PLXNA1: variants seen among roughly 807,000 people sequenced by gnomAD.
PLXNA1 encodes the protein plexin A1.
PLXNA1 carries 77 observed loss-of-function variants against 191.7 expected under a neutral mutation model. The ratio of observed to expected loss-of-function variants is 0.40; its 90% confidence interval spans 0.33 to 0.49. The LOEUF (loss-of-function observed/expected upper bound fraction) is 0.49, where lower values mean the gene tolerates loss of function less well. Among genes scored for constraint, PLXNA1 ranks in the 20% least tolerant of loss-of-function variants. The pLI, the probability that PLXNA1 is intolerant of heterozygous loss-of-function variation, is 0.63. For synonymous variants in PLXNA1, 1,137 were observed against 1,156.4 expected, an observed-to-expected ratio of 0.98 and a Z score of 0.34; for missense variants, 2,110 against 2,660.2, an observed-to-expected ratio of 0.79 and a Z score of 4.55.
intron 3 of PLXNA1, among the ~76,000 whole-genome samples, chr3:126,992,635 G>A (rs1200551041): frequency 6.6e-6 from 1 of 152,046 alleles, no homozygotes; most frequent in Non-Finnish European, 1.5e-5. Flanking sequence ...GGCTGGGGGC[G>A]GGGGGTGCTG....
intron 23 of PLXNA1, among the ~76,000 whole-genome samples, chr3:127,025,208 C>T (rs1266328559): frequency 6.6e-6 from 1 of 152,146 alleles, no homozygotes; most frequent in Non-Finnish European, 1.5e-5. Context: ...CCTAAAAATC[C>T]CCTGAGCTCA....
intron 10 of PLXNA1, 121 bp downstream of exon 10, chr3:127,012,279 T>A: frequency 9.6e-7 from 1 of 1,045,372 alleles, no homozygotes; most frequent in Non-Finnish European, 1.4e-6. Flanking sequence ...CGTGTATCTC[T>A]GATGAGTCAG....
chr3:127,032,804 A>C lies in PLXNA1; in HGVS notation c.5563A>C (p.Ile1855Leu). The C allele has an allele frequency of 1.9e-6, 3 of 1,613,270 alleles. No homozygotes were observed. The highest frequency in any genetic ancestry group is 2.5e-6 in the Non-Finnish European group (3 of 1,180,008). Residue 1855 changes from isoleucine to leucine, a missense_variant, in exon 31 of 32, where the codon ATC (isoleucine) becomes CTC (leucine). Transcript: ENST00000393409. ...CAACAGCATGAGCGCCTTGCACGAGATCTACTCCTACATCACCAAGTACAA... is the reference window on the plus strand; with the variant it reads ...CAACAGCATGAGCGCCTTGCACGAGCTCTACTCCTACATCACCAAGTACAA... ...QFNSMSALHE[I>L]YSYITKYKDE...
chr3:127,014,426 G>A (rs778294283), intron 12 of PLXNA1, 51 bp downstream of exon 12: 13 of 1,546,652 alleles, frequency 8.4e-6, no homozygotes, highest in Admixed American at 3.5e-5. Context: ...CTGCACCACC[G>A]CACACCCTAC....
chr3:127,023,261 C>G (rs544324778), intron 23 of PLXNA1, among the ~76,000 whole-genome samples: 86 of 152,342 alleles, frequency 5.6e-4, no homozygotes, highest in Non-Finnish European at 9.8e-4. Context: ...AGGATGCTGC[C>G]GTCCTCAGAA....
rs1219263984 is a variant in PLXNA1 at position 127,006,294 on chromosome 3, A to C, written c.1997+116A>C. The C allele has an allele frequency of 3.8e-6, 3 of 789,636 alleles. No homozygotes were observed. The African/African-American group carries it at 5.1e-5, about 13-fold the overall frequency. The allele number at this position is 789,636 out of a possible 1,614,324, so 48.9% of individuals were successfully genotyped here. On this transcript the variant is annotated intron_variant, in intron 8 of 31. Coordinates refer to ENST00000393409, the MANE Select transcript of PLXNA1 (RefSeq NM_032242.4). ...ACCTGTCCTCATGTGGCCAGGCAGCAGATGGTGATTCCATGATTGGGGCTC... is the reference window on the plus strand; with the variant it reads ...ACCTGTCCTCATGTGGCCAGGCAGCCGATGGTGATTCCATGATTGGGGCTC...
intron 3 of PLXNA1, among the ~76,000 whole-genome samples, chr3:126,995,603 C>G (rs1324700720): frequency 1.3e-5 from 2 of 152,282 alleles, no homozygotes; most frequent in African/African-American, 2.4e-5. Flanking sequence ...GCCTGACTGC[C>G]TGAGCACCCG....
At position 127,012,023 on chromosome 3, in the gene PLXNA1, C is replaced by A. The variant is rs562933190; in HGVS notation, c.2178C>A (p.Thr726=). 7 of 1,613,692 alleles carry A rather than the reference C, an allele frequency of 4.3e-6. No individual in the cohort carries two copies. The African/African-American group carries it at 8.0e-5, about 18-fold the overall frequency. The change falls in exon 10 of 32, where the codon ACC becomes ACA. Residue 726 remains threonine, a synonymous_variant. Coordinates refer to ENST00000393409, the MANE Select transcript of PLXNA1 (RefSeq NM_032242.4). ...YVPVGVVKPI[T]LAARNLPQPQ... is the part of the protein sequence containing the mutation. The stretch of plus-strand genomic sequence containing the variant: ...CAGTGGGAGTGGTAAAACCCATCAC[C>A]CTGGCCGCACGGAACCTGCCACAGC...
At chr3:127,027,572 G>T in intron 23 of PLXNA1, 1 of 426,552 alleles carries the variant, frequency 2.3e-6, no homozygotes, top group Non-Finnish European at 4.7e-6. Flanking sequence ...CCCCTGGGAG[G>T]CTGGAGCTAG....
rs1205501087 is a variant in PLXNA1, at chr3:127,030,056, G to T, written c.5053G>T (p.Ala1685Ser). Reference sequence around the variant, plus strand: ...GGAGATCTACTTGACACGGCTACTGGCCACCAAGGTGGGCCTGGCTGGCAG... The same window carrying T: ...GGAGATCTACTTGACACGGCTACTGTCCACCAAGGTGGGCCTGGCTGGCAG... The part of the protein sequence containing the change: ...VSEIYLTRLL[A>S]TKGTLQKFVD... Residue 1685 changes from alanine (A) to serine (S), a missense_variant, in exon 28 of 32, where the codon GCC becomes TCC. Around this residue, in one of 4 missense-constraint regions of PLXNA1, gnomAD observed 559 missense variants for 911.5 expected, o/e 0.61. Coordinates refer to ENST00000393409, the MANE Select transcript of PLXNA1 (RefSeq NM_032242.4). The T allele has an allele frequency of 1.2e-6, 2 of 1,610,488 alleles. No homozygotes were observed. Among genetic ancestry groups the T allele is most frequent in the Non-Finnish European group, 1.7e-6 (2 of 1,177,402 alleles).
intron 20 of PLXNA1, among the ~76,000 whole-genome samples, chr3:127,019,346 C>T (rs2079141282): frequency 6.6e-6 from 1 of 152,184 alleles, no homozygotes; most frequent in African/African-American, 2.4e-5. Flanking sequence ...ACCTAAGTGG[C>T]CCTGTGGTGG....
chr3:126,991,396 G>A lies in PLXNA1; in HGVS notation c.1207G>A (p.Asp403Asn), dbSNP rs372990520. ...LGCINSPLQI[D>N]DDFCGQDFNQ... Reference sequence around the variant, plus strand: ...CCCCTTCCCACAGCCCCTGCAGATCGATGACGACTTCTGCGGGCAGGACTT... The same window carrying A: ...CCCCTTCCCACAGCCCCTGCAGATCAATGACGACTTCTGCGGGCAGGACTT... The change falls in exon 3 of 32, where the codon GAT becomes AAT. Residue 403 changes from aspartate to asparagine, a missense_variant. Transcript: ENST00000393409. 3.4e-5 allele frequency: 55 copies of A among 1,612,614 alleles called. No homozygotes were observed. Among genetic ancestry groups the A allele is most frequent in the African/African-American group, 8.0e-5 (6 of 74,950 alleles).
intron 8 of PLXNA1, 116 bp downstream of exon 8, chr3:127,006,294 A>G: frequency 1.3e-6 from 1 of 789,754 alleles, no homozygotes. Flanking sequence ...GCCAGGCAGC[A>G]GATGGTGATT....
chr3:127,004,061 C>T (rs1033073615), intron 4 of PLXNA1, among the ~76,000 whole-genome samples: 2 of 152,190 alleles, frequency 1.3e-5, no homozygotes, highest in African/African-American at 2.4e-5. Flanking sequence ...AGGTTGGGCA[C>T]ACCAGCTGAG....
intron 3 of PLXNA1, among the ~76,000 whole-genome samples, chr3:127,001,083 G>A (rs978404318): frequency 1.4e-4 from 21 of 152,176 alleles, no homozygotes; most frequent in Non-Finnish European, 2.8e-4. Flanking sequence ...GCTGCTGGGT[G>A]GAGCGGGGCG....
At chr3:126,992,726 G>A (rs1291985906) in intron 3 of PLXNA1, among the ~76,000 whole-genome samples, 1 of 152,084 alleles carries the variant, frequency 6.6e-6, no homozygotes. Flanking sequence ...TGCTGGTTCT[G>A]CTCATAGTGG....
Position 127,030,234 on chromosome 3 carries a change from C to A in PLXNA1, c.5062-9C>A. 2 of 1,612,214 alleles carry A rather than the reference C, an allele frequency of 1.2e-6. No individual in the cohort carries two copies. The highest frequency in any genetic ancestry group is 1.7e-6 in the Non-Finnish European group (2 of 1,178,982). On this transcript the variant is annotated splice_polypyrimidine_tract_variant and intron_variant, in intron 28 of 31. Transcript: ENST00000393409. ...CCTGGGGCTCAGTGTCCCTGCCTGC[C>A]CCCCGCAGGGCACACTGCAGAAGTT...
chr3:127,024,621 G>A (rs2079168181), intron 23 of PLXNA1, among the ~76,000 whole-genome samples: 1 of 152,148 alleles, frequency 6.6e-6, no homozygotes, highest in African/African-American at 2.4e-5. Context: ...GTTGTTAGTG[G>A]GGTACCAGTG....
intron 3 of PLXNA1, among the ~76,000 whole-genome samples, chr3:126,992,053 C>T (rs2078993545): frequency 6.6e-6 from 1 of 152,212 alleles, no homozygotes; most frequent in African/African-American, 2.4e-5. Context: ...GGGTAGTGCC[C>T]CTGCCTGTCT....
Sources: allele counts gnomAD v4.1 joint callset (sites outside exome capture counted in the v4.1 genomes callset), GRCh38; gene constraint gnomAD v4.1.1; regional missense constraint gnomAD v4.1.1; transcripts MANE v1.5; gene names NCBI Gene and HGNC (gene_info 2026-07-23, HGNC 2026-07-21).